The following PRSS38 variants were observed in gnomAD, a reference collection of about 807,000 sequenced individuals.
PRSS38 encodes serine protease 38, also known as marapsin 2.
A neutral mutation model predicts 26.8 loss-of-function variants in PRSS38; 22 were observed. The observed-to-expected ratio is 0.82, with a 90% confidence interval of 0.59 to 1.17. PRSS38 has a LOEUF of 1.17. Among genes scored for constraint, PRSS38 ranks in the 50% most tolerant of loss-of-function variants. The pLI is 0.00. For synonymous variants in PRSS38, 175 were observed against 172.1 expected (o/e 1.02, Z -0.13); for missense variants, 427 against 422.7 (o/e 1.01, Z -0.09).
chr1:227,835,912 A>T (rs560064965), intron 3 of PRSS38, among the ~76,000 whole-genome samples: 15 of 152,262 alleles, frequency 9.9e-5, no homozygotes, highest in Admixed American at 2.6e-4. Flanking sequence ...TAAAATGCTT[A>T]ATTTAATGTA....
exon 5 of PRSS38, chr1:227,846,249 C>G: frequency 6.3e-7 from 1 of 1,594,958 alleles, no homozygotes; most frequent in Non-Finnish European, 8.5e-7. Context: ...GCTGCACACC[C>G]TGCCCCAGCC....
intron 3 of PRSS38, among the ~76,000 whole-genome samples, chr1:227,821,843 T>C (rs1019312944): frequency 2.0e-5 from 3 of 152,198 alleles, no homozygotes. Flanking sequence ...TGAAGTTTGT[T>C]CAGTCTGAAT....
rs1268160964 is a variant in PRSS38, at chr1:227,816,744, A to G, written c.312-465A>G. On this transcript the variant is annotated intron_variant, in intron 2 of 4. Transcript: ENST00000366757. The surrounding 1 kb of genome is among the most constrained non-coding windows in gnomAD (Gnocchi z 5.1). Reference sequence around the variant, plus strand: ...GAGGCTGGTCCTCAAGTGCACAGCCAGGTCCCACAAAAGTGAGGCTGCTCC... The same window carrying G: ...GAGGCTGGTCCTCAAGTGCACAGCCGGGTCCCACAAAAGTGAGGCTGCTCC... Among the ~76,000 whole-genome samples the G allele has an allele frequency of 6.6e-6, 1 of 151,520 alleles. No individual in the cohort carries two copies. The highest frequency in any genetic ancestry group is 1.5e-5 in the Non-Finnish European group (1 of 67,882).
At chr1:227,831,133 A>G (rs1427420804) in intron 3 of PRSS38, among the ~76,000 whole-genome samples, 1 of 151,382 alleles carries the variant, frequency 6.6e-6, no homozygotes, top group Non-Finnish European at 1.5e-5. Context: ...GTGGTTTGTG[A>G]CCTTTCTTCT....
chr1:227,835,956 G>T (rs1209502169), intron 3 of PRSS38, among the ~76,000 whole-genome samples: 4 of 152,138 alleles, frequency 2.6e-5, no homozygotes, highest in Non-Finnish European at 4.4e-5. Context: ...AAAAAGTGCT[G>T]TCCAGGTGTG....
exon 5 of PRSS38, chr1:227,846,463 C>T: frequency 1.8e-6 from 1 of 546,340 alleles, no homozygotes; most frequent in Non-Finnish European, 3.2e-6. Context: ...TAAATATTTA[C>T]AAAGCAAGCC....
intron 3 of PRSS38, among the ~76,000 whole-genome samples, chr1:227,820,761 C>G (rs1329003993): frequency 2.0e-5 from 3 of 152,078 alleles, no homozygotes; most frequent in Non-Finnish European, 4.4e-5. Flanking sequence ...GTTGCTTCCT[C>G]TTCTATTTTT....
At chr1:227,825,359 T>C (rs1163504481) in intron 3 of PRSS38, among the ~76,000 whole-genome samples, 1 of 152,094 alleles carries the variant, frequency 6.6e-6, no homozygotes, top group Admixed American at 6.5e-5. Context: ...GCCCAGCTAG[T>C]TTTTGTATTT....
intron 2 of PRSS38, 101 bp from the exon 3 acceptor site, chr1:227,817,108 C>G: frequency 7.9e-7 from 1 of 1,265,320 alleles, no homozygotes. Context: ...CTTTTCAATC[C>G]CACCGAGTGA....
chr1:227,817,107 C>G (rs1664931125), intron 2 of PRSS38, 102 bp from the exon 3 acceptor site: 1 of 1,254,434 alleles, frequency 8.0e-7, no homozygotes, highest in African/African-American at 1.5e-5. Flanking sequence ...GCTTTTCAAT[C>G]CCACCGAGTG....
intron 3 of PRSS38, among the ~76,000 whole-genome samples, chr1:227,840,785 A>C (rs1665326094): frequency 6.6e-6 from 1 of 152,158 alleles, no homozygotes; most frequent in South Asian, 2.1e-4. Context: ...GGCTTTCGTC[A>C]TTCAGCCTGG....
In PRSS38 at chr1:227,818,687, A is replaced by AAC. The variant is rs942663888; in HGVS notation, c.583+1208_583+1209insCA. On this transcript the variant is annotated intron_variant, in intron 3 of 4. Coordinates refer to ENST00000366757, the Ensembl canonical transcript of PRSS38. ...TGAGACCTTCTCTCAAAAAAAAAAAAAAAAAAAAAAAACGTATTTAATGTG... is the reference window on the plus strand; with the variant it reads ...TGAGACCTTCTCTCAAAAAAAAAAAAACAAAAAAAAAAAACGTATTTAATGTG... 5.3e-5 allele frequency among the ~76,000 whole-genome samples: 8 copies of AAC among 151,822 alleles called. 1 individual carries two copies. Among genetic ancestry groups the AAC allele is most frequent in the African/African-American group, 1.9e-4 (8 of 41,380 alleles).
Position 227,816,388 on chromosome 1 carries a change from C to A in PRSS38, c.311+136C>A. 2.2e-6 allele frequency: 2 copies of A among 911,846 alleles called. No homozygotes were observed. The highest frequency in any genetic ancestry group is 3.3e-6 in the Non-Finnish European group (2 of 606,438). 56.5% of individuals were successfully genotyped at this position (911,846 alleles called of 1,614,324 possible). On this transcript the variant is annotated intron_variant, in intron 2 of 4. Transcript: ENST00000366757. This position sits in a 1 kb window ranked among gnomAD's most constrained non-coding sequence, Gnocchi z 5.1. Reference sequence around the variant, plus strand: ...TTCACCACTGTCGACCCGCGCAAGGCCAGGTCCCCACCAGTGAGGCTGGTC... The same window carrying A: ...TTCACCACTGTCGACCCGCGCAAGGACAGGTCCCCACCAGTGAGGCTGGTC...
Position 227,816,376 on chromosome 1 carries a change from AC to A in PRSS38, c.311+127del. On this transcript the variant is annotated intron_variant, in intron 2 of 4. Coordinates refer to ENST00000366757, the Ensembl canonical transcript of PRSS38. This position sits in a 1 kb window ranked among gnomAD's most constrained non-coding sequence, Gnocchi z 5.1. ...TTGTCGACTCCCTTCACCACTGTCG[AC>A]CCGCGCAAGGCCAGGTCCCCACCAG... 1 of 1,048,746 alleles carries A rather than the reference AC, an allele frequency of 9.5e-7. No individual in the cohort carries two copies. The highest frequency in any genetic ancestry group is 1.4e-6 in the Non-Finnish European group (1 of 732,836). The allele number at this position is 1,048,746 out of a possible 1,614,324, so 65.0% of individuals were successfully genotyped here. A position where few individuals can be genotyped will look rare whatever the true frequency, so the allele number is the denominator to read the frequency against.
intron 3 of PRSS38, among the ~76,000 whole-genome samples, chr1:227,827,941 A>G (rs183137918): frequency 2.0e-5 from 3 of 152,138 alleles, no homozygotes; most frequent in Non-Finnish European, 4.4e-5. Context: ...CCTTAATTTC[A>G]TTATTTACCT....
intron 3 of PRSS38, among the ~76,000 whole-genome samples, chr1:227,840,453 C>T (rs1191209551): frequency 6.6e-6 from 1 of 152,030 alleles, no homozygotes; most frequent in East Asian, 1.9e-4. Flanking sequence ...GGAAAAGAAC[C>T]CAAAAGAGGA....
At chr1:227,829,937 G>A (rs916348973) in intron 3 of PRSS38, among the ~76,000 whole-genome samples, 1 of 152,118 alleles carries the variant, frequency 6.6e-6, no homozygotes, top group Admixed American at 6.6e-5. Flanking sequence ...GAGCTGTGGG[G>A]TTTTTTTGTA....
intron 3 of PRSS38, among the ~76,000 whole-genome samples, chr1:227,821,076 T>G (rs1664996697): frequency 6.6e-6 from 1 of 152,184 alleles, no homozygotes; most frequent in Admixed American, 6.5e-5. Context: ...AAAGTGGAAT[T>G]AAAAACCAAA....
chr1:227,821,782 A>G (rs1665007157), intron 3 of PRSS38, among the ~76,000 whole-genome samples: 1 of 152,060 alleles, frequency 6.6e-6, no homozygotes, highest in African/African-American at 2.4e-5. Flanking sequence ...TTAGTTTTTG[A>G]CAGTTTGATT....
Sources: gnomAD v4.1 joint callset for allele counts (sites outside exome capture counted in the v4.1 genomes callset) on GRCh38, gnomAD v4.1.1 for gene constraint, Gnocchi (gnomAD v3.1) non-coding constraint, MANE v1.5 for transcripts, NCBI Gene and HGNC (gene_info 2026-07-23, HGNC 2026-07-21) for gene names.